DLG2: variants seen among roughly 807,000 people sequenced by gnomAD.
The protein encoded by DLG2 is disks large homolog 2.
In DLG2, 45 loss-of-function variants were observed where a neutral mutation model predicts 132.5. That is an observed-to-expected ratio of 0.34 (90% CI 0.27 to 0.44). DLG2 has a LOEUF of 0.44. DLG2 is among the 20% of genes least tolerant of loss of function. DLG2 has a pLI of 1.00. For missense variants in DLG2, 1,045 were observed against 1,196.9 expected (o/e 0.87, Z 1.87); for synonymous variants, 424 against 419.6 (o/e 1.01, Z -0.13).
intron 11 of DLG2, among the ~76,000 whole-genome samples, 165 bp from the exon 12 acceptor site, chr11:83,980,807 T>C (rs1565897614): frequency 6.6e-6 from 1 of 152,200 alleles, no homozygotes; most frequent in Non-Finnish European, 1.5e-5. Context: ...TATTTAAATA[T>C]TTGAAGAATT....
chr11:85,582,092 GC>G (rs1238323427), intron 3 of DLG2, among the ~76,000 whole-genome samples: 13 of 152,094 alleles, frequency 8.5e-5, no homozygotes, highest in Admixed American at 8.5e-4. Context: ...GCTGATTTTT[GC>G]CCCCCAATGA....
chr11:83,650,299 C>T (rs1157960063), intron 18 of DLG2, among the ~76,000 whole-genome samples: 2 of 152,060 alleles, frequency 1.3e-5, no homozygotes, highest in South Asian at 2.1e-4. Flanking sequence ...TATAATCACA[C>T]AGGTCCATGT....
chr11:84,848,884 C>A (rs2081842340), intron 6 of DLG2, among the ~76,000 whole-genome samples: 2 of 152,186 alleles, frequency 1.3e-5, no homozygotes, highest in Non-Finnish European at 2.9e-5. Flanking sequence ...TATGCGGTCC[C>A]TTTTTCCACA....
intron 6 of DLG2, among the ~76,000 whole-genome samples, chr11:84,612,932 C>A (rs1357308701): frequency 6.6e-6 from 1 of 152,090 alleles, no homozygotes; most frequent in Admixed American, 6.6e-5. Flanking sequence ...TTGTTCATTC[C>A]AATATGTAAA....
At chr11:84,039,508 T>C (rs2095993136) in intron 11 of DLG2, among the ~76,000 whole-genome samples, 3 of 87,492 alleles carry the variant, frequency 3.4e-5, no homozygotes, top group Admixed American at 2.4e-4. Context: ...CTGAGAATGA[T>C]GATTTCCAAT....
intron 19 of DLG2, among the ~76,000 whole-genome samples, chr11:83,547,282 T>G (rs1229393849): frequency 6.6e-6 from 1 of 152,070 alleles, no homozygotes; most frequent in African/African-American, 2.4e-5. Flanking sequence ...CTTAACTCAC[T>G]CCCCCAAAAT....
chr11:85,463,861 G>T (rs1597553926), intron 3 of DLG2, among the ~76,000 whole-genome samples: 1 of 151,820 alleles, frequency 6.6e-6, no homozygotes, highest in South Asian at 2.1e-4. Context: ...ACAAAGGAGA[G>T]CATTTAGAAT....
intron 19 of DLG2, among the ~76,000 whole-genome samples, chr11:83,579,917 C>A (rs2096940802): frequency 6.6e-6 from 1 of 152,076 alleles, no homozygotes; most frequent in South Asian, 2.1e-4. Flanking sequence ...GTGCAGTGAG[C>A]CGAGATCTCG....
At chr11:83,711,350 C>T (rs1360143877) in intron 18 of DLG2, among the ~76,000 whole-genome samples, 2 of 152,152 alleles carry the variant, frequency 1.3e-5, no homozygotes, top group African/African-American at 4.8e-5. Flanking sequence ...CCCAGCATTT[C>T]CCCTCACTTG....
At chr11:83,522,283 C>CT (rs1195171044) in intron 21 of DLG2, among the ~76,000 whole-genome samples, 1 of 152,026 alleles carries the variant, frequency 6.6e-6, no homozygotes, top group Non-Finnish European at 1.5e-5. Context: ...TTTTGCTAAA[C>CT]TTTTTTGCCT....
intron 3 of DLG2, among the ~76,000 whole-genome samples, chr11:85,317,238 CG>C (rs1409453548): frequency 6.6e-6 from 1 of 151,852 alleles, no homozygotes; most frequent in African/African-American, 2.4e-5. Context: ...CAGACATAGA[CG>C]GGGCTCCATT....
At position 84,755,477 on chromosome 11, in the gene DLG2, G is replaced by T. The variant is rs796684446; in HGVS notation, c.358-220746C>A. On this transcript the variant is annotated intron_variant, in intron 6 of 27. Transcript: ENST00000376104. The stretch of plus-strand genomic sequence containing the variant: ...CTCGCTCTGTAGCCCAGGCTGGAGT[G>T]TAGTGGCACAACCTCGGCTCACTGC... Among the ~76,000 whole-genome samples the T allele has an allele frequency of 2.7e-4, 41 of 152,338 alleles. 1 individual carries two copies. The highest frequency in any genetic ancestry group is 8.9e-4 in the African/African-American group (37 of 41,598).
intron 5 of DLG2, among the ~76,000 whole-genome samples, chr11:85,138,837 T>C (rs892623934): frequency 3.3e-5 from 5 of 152,150 alleles, no homozygotes; most frequent in Non-Finnish European, 7.4e-5. Context: ...ATTAAACCTC[T>C]TGTTCTTTCC....
intron 18 of DLG2, among the ~76,000 whole-genome samples, chr11:83,766,095 CT>C (rs35863223): frequency 0.27 from 36,503 of 133,322 alleles, 5,268 homozygotes; most frequent in African/African-American, 0.51. Flanking sequence ...CCACTGAATG[CT>C]TTTTTTTTTT....
intron 11 of DLG2, among the ~76,000 whole-genome samples, chr11:84,035,650 G>C (rs1225336033): frequency 6.6e-6 from 1 of 152,120 alleles, no homozygotes; most frequent in Admixed American, 6.6e-5. Context: ...AAGTGGGAGG[G>C]GAAGCTAGTA....
At chr11:84,316,452 T>A (rs577190173) in intron 7 of DLG2, among the ~76,000 whole-genome samples, 3 of 152,292 alleles carry the variant, frequency 2.0e-5, no homozygotes, top group East Asian at 3.9e-4. Flanking sequence ...GATGGAAAGT[T>A]TAGTTAAAAT....
intron 7 of DLG2, among the ~76,000 whole-genome samples, chr11:84,401,173 T>C (rs1398769220): frequency 6.6e-6 from 1 of 152,130 alleles, no homozygotes; most frequent in African/African-American, 2.4e-5. Context: ...CAGGTAAAAC[T>C]GCAAAGACCT....
At chr11:85,313,516 C>T (rs1453387830) in intron 3 of DLG2, among the ~76,000 whole-genome samples, 1 of 151,984 alleles carries the variant, frequency 6.6e-6, no homozygotes, top group Admixed American at 6.6e-5. Context: ...CATTTAAGTA[C>T]ATTAATAAAC....
At chr11:83,681,318 A>G (rs1167582333) in intron 18 of DLG2, among the ~76,000 whole-genome samples, 2 of 152,186 alleles carry the variant, frequency 1.3e-5, no homozygotes, top group Non-Finnish European at 2.9e-5. Flanking sequence ...ACCAGGAGTT[A>G]GCACGCATCC....
Sources: allele counts gnomAD v4.1 joint callset (sites outside exome capture counted in the v4.1 genomes callset), GRCh38; gene constraint gnomAD v4.1.1; transcripts MANE v1.5; gene names NCBI Gene and HGNC (gene_info 2026-07-23, HGNC 2026-07-21).